TMEM255A: variants seen among roughly 807,000 people sequenced by gnomAD.
The protein encoded by TMEM255A is transmembrane protein 255A, also known as family with sequence similarity 70, member A.
Under a neutral mutation model 23.5 loss-of-function variants are expected in TMEM255A, and 14 were observed. The ratio of observed to expected loss-of-function variants is 0.60; its 90% CI spans 0.39 to 0.93. The LOEUF (loss-of-function observed/expected upper bound fraction) is 0.93. Ranked by LOEUF, TMEM255A falls within the 40% of genes least tolerant of loss-of-function variation. The pLI, the probability that TMEM255A is intolerant of heterozygous loss-of-function variation, is 0.00. For missense variants in TMEM255A, 233 were observed against 261.7 expected (o/e 0.89, Z 0.76); for synonymous variants, 104 against 100.3 (o/e 1.04, Z -0.22).
chrX:120,280,864 G>C (rs1390348650), intron 6 of TMEM255A, among the ~76,000 whole-genome samples: 1 of 108,776 alleles, frequency 9.2e-6, no homozygotes, highest in Non-Finnish European at 1.9e-5. Context: ...CCCCTGCATT[G>C]AAGGTATTGC....
intron 3 of TMEM255A, among the ~76,000 whole-genome samples, chrX:120,293,770 A>T (rs782811668): frequency 1.8e-5 from 2 of 112,296 alleles, no homozygotes; most frequent in Non-Finnish European, 3.8e-5. Flanking sequence ...GGCATAAGGA[A>T]TCTAGCTAGG....
At chrX:120,281,979 C>T (rs782381161) in intron 6 of TMEM255A, among the ~76,000 whole-genome samples, 4 of 112,315 alleles carry the variant, frequency 3.6e-5, no homozygotes, top group Non-Finnish European at 7.5e-5. Flanking sequence ...TTCTGTAGCA[C>T]TGTACAAATG....
chrX:120,262,871 C>A (rs943454808), intron 8 of TMEM255A, among the ~76,000 whole-genome samples: 3 of 112,402 alleles, frequency 2.7e-5, no homozygotes, highest in African/African-American at 6.5e-5. Flanking sequence ...AAGCTAAAGG[C>A]AGTTCTGTCC....
chrX:120,253,508 C>CTGTGATGTT, the TMEM255A span: 1 of 1,211,992 alleles, frequency 8.3e-7, no homozygotes, highest in Non-Finnish European at 1.1e-6. Context: ...ATGGACTCTT[C>CTGTGATGTT]TGTGATGTTA....
intron 7 of TMEM255A, among the ~76,000 whole-genome samples, chrX:120,270,797 A>G (rs1433218215): frequency 9.1e-6 from 1 of 109,875 alleles, no homozygotes; most frequent in African/African-American, 3.3e-5. Flanking sequence ...ATCAGCCAGC[A>G]CCCCCGGGCC....
At chrX:120,296,936 AT>A (rs2057984523) in intron 2 of TMEM255A, among the ~76,000 whole-genome samples, 1 of 3,351 alleles carries the variant, frequency 3.0e-4, no homozygotes, top group African/African-American at 2.4e-3. Flanking sequence ...TATTATATAT[AT>A]AATATTATAT....
chrX:120,252,553 C>T, the TMEM255A span: 1 of 112,001 alleles, frequency 8.9e-6, no homozygotes, highest in African/African-American at 3.3e-5. Context: ...AAAAAATTCT[C>T]ATACCAATGC....
Position 120,268,292 on chromosome X carries a change from G to A in TMEM255A, c.771C>T (p.Tyr257=), listed in dbSNP as rs1556017956. 1 of 1,205,973 alleles carries A rather than the reference G, an allele frequency of 8.3e-7. No individual in the cohort carries two copies. Among genetic ancestry groups the A allele is most frequent in the East Asian group, 3.0e-5 (1 of 33,734 alleles). ...AHPQVASYNT[Y]YHSPPHLPPY... is the part of the protein sequence containing the mutation. ...GTGGCAGGTGAGGAGGGCTATGGTA[G>A]TAGGTATTGTAGGATGCCACTTGGG... The change falls in exon 8 of 9, where the codon TAC becomes TAT. Residue 257 remains tyrosine, a synonymous_variant. Transcript: ENST00000371369.
chrX:120,291,209 G>A (rs1556022856), intron 4 of TMEM255A, 42 bp downstream of exon 4: 1 of 1,046,521 alleles, frequency 9.6e-7, no homozygotes, highest in Non-Finnish European at 1.3e-6. Context: ...GGGCCTTGTT[G>A]TATTGCCTAT....
chrX:120,309,169 C>T (rs1556027718), intron 1 of TMEM255A, among the ~76,000 whole-genome samples: 1 of 112,589 alleles, frequency 8.9e-6, no homozygotes, highest in African/African-American at 3.2e-5. Flanking sequence ...ACTGTGGAAA[C>T]CCAGCGTTAG....
intron 4 of TMEM255A, 96 bp downstream of exon 4, chrX:120,291,155 C>G (rs1556022835): frequency 1.4e-6 from 1 of 717,781 alleles, no homozygotes; most frequent in Non-Finnish European, 2.1e-6. Flanking sequence ...ATGTAACCCT[C>G]ATGACACTAA....
intron 8 of TMEM255A, among the ~76,000 whole-genome samples, chrX:120,267,313 G>T (rs2057724372): frequency 8.9e-6 from 1 of 112,052 alleles, no homozygotes; most frequent in African/African-American, 3.2e-5. Flanking sequence ...CAAACTGGCT[G>T]GTTAGTTGGA....
chrX:120,282,478 A>G (rs1167815365), intron 6 of TMEM255A, among the ~76,000 whole-genome samples: 3 of 111,439 alleles, frequency 2.7e-5, no homozygotes, highest in African/African-American at 6.5e-5. Context: ...CTAGTCCAAT[A>G]TTTTATTTTC....
At chrX:120,304,716 C>T (rs2058053557) in intron 1 of TMEM255A, among the ~76,000 whole-genome samples, 1 of 111,363 alleles carries the variant, frequency 9.0e-6, no homozygotes, top group African/African-American at 3.3e-5. Context: ...TGAAAATAAA[C>T]AACAGAAGAA....
At position 120,273,169 on chromosome X, in the gene TMEM255A, C is replaced by T. The variant is rs141766859; in HGVS notation, c.675+3716G>A. 4.1e-3 allele frequency: 742 copies of T among 182,868 alleles called. 9 individuals are homozygous for T. Among genetic ancestry groups the T allele is most frequent in the African/African-American group, 0.021 (673 of 32,599 alleles). The allele number at this position is 182,868 out of a possible 1,213,427, so 15.1% of individuals were successfully genotyped here. On this transcript the variant is annotated intron_variant, in intron 7 of 8. Transcript: ENST00000371369. Reference sequence around the variant, plus strand: ...GTTTACAGGCTGCAGAAAATTTCAACGCTACTTTTGAAGATCAACATTAGG... The same window carrying T: ...GTTTACAGGCTGCAGAAAATTTCAATGCTACTTTTGAAGATCAACATTAGG...
In TMEM255A at chrX:120,270,474, T is replaced by C. The variant is rs2057750918; in HGVS notation, c.676-2087A>G. ...TGCCTGGACAAAACTGAGTCTATTC[T>C]GAGACAATGATTGTGGACTTTGGAA... On this transcript the variant is annotated intron_variant, in intron 7 of 8. Coordinates refer to ENST00000371369, the MANE Select transcript of TMEM255A (RefSeq NM_001104544.3). Among the ~76,000 whole-genome samples, 3 of 110,328 alleles carry C rather than the reference T, an allele frequency of 2.7e-5. No individual in the cohort carries two copies. The South Asian group carries it at 1.2e-3, about 44-fold the overall frequency.
Position 120,283,072 on chromosome X carries a change from A to G in TMEM255A, c.512+2055T>C. On this transcript the variant is annotated intron_variant, in intron 6 of 8. Coordinates refer to ENST00000371369, the MANE Select transcript of TMEM255A (RefSeq NM_001104544.3). ...AAACAAAGGGAAAGACAGATCGGGG[A>G]AGGAAGGATGAGGGGAGGCAAGAGG... Among the ~76,000 whole-genome samples the G allele has an allele frequency of 2.7e-5, 3 of 110,364 alleles. No homozygotes were observed. In the Middle Eastern group the frequency reaches 0.014, roughly 509 times the overall value.
At chrX:120,297,070 A>G (rs1453767590) in intron 2 of TMEM255A, among the ~76,000 whole-genome samples, 1 of 7,440 alleles carries the variant, frequency 1.3e-4, no homozygotes, top group Non-Finnish European at 1.6e-4. Context: ...AATATTATAT[A>G]TATTATATTA....
At chrX:120,284,070 A>G (rs190685724) in intron 6 of TMEM255A, among the ~76,000 whole-genome samples, 4 of 111,101 alleles carry the variant, frequency 3.6e-5, no homozygotes, top group Non-Finnish European at 5.7e-5. Flanking sequence ...CTCAGCTCCC[A>G]TATCACCTAC....
Sources: gnomAD v4.1 joint callset for allele counts (sites outside exome capture counted in the v4.1 genomes callset) on GRCh38, gnomAD v4.1.1 for gene constraint, MANE v1.5 for transcripts, NCBI Gene and HGNC (gene_info 2026-07-23, HGNC 2026-07-21) for gene names.